Variants in PLEKHA1 observed in about 807,000 individuals in gnomAD.
The protein encoded by PLEKHA1 is pleckstrin homology domain containing A1.
PLEKHA1 carries 34 observed loss-of-function variants against 52.0 expected under a neutral mutation model. That is an observed-to-expected ratio of 0.65 (90% CI 0.50 to 0.87). The LOEUF (loss-of-function observed/expected upper bound fraction) is 0.87, where lower values mean the gene tolerates loss of function less well. PLEKHA1 is among the 40% of genes least tolerant of loss of function. The probability of loss-of-function intolerance (pLI) is 0.00; values close to 1 mark genes in which losing one functional copy is unlikely to be tolerated. For synonymous variants in PLEKHA1, 163 were observed against 170.7 expected (o/e 0.95, Z 0.35); for missense variants, 497 against 504.2 (o/e 0.99, Z 0.14).
rs1367250702 is a variant in PLEKHA1 at position 122,412,960 on chromosome 10, T to C, written c.383T>C (p.Leu128Pro). 6.2e-7 allele frequency: 1 copy of C among 1,613,432 alleles called. No individual in the cohort carries two copies. Among genetic ancestry groups the C allele is most frequent in the Admixed American group, 1.7e-5 (1 of 59,952 alleles). ...GACTCACAGCCTAATTCTGATAACC[T>C]AAGTCGCCATGGTGAATGTGGGAAA... ...QSDSQPNSDN[L>P]SRHGECGKKQ... Residue 128 changes from leucine (L) to proline (P), a missense_variant, in exon 6 of 12, where the codon CTA becomes CCA. By Grantham distance (98) the Leu-to-Pro change is moderately conservative. Transcript: ENST00000368990.
chr10:122,376,596 T>C (rs1156835437), intron 1 of PLEKHA1, among the ~76,000 whole-genome samples: 2 of 151,584 alleles, frequency 1.3e-5, no homozygotes, highest in African/African-American at 2.4e-5. Context: ...CTTTATCTTG[T>C]TAATTAGTAT....
In PLEKHA1 at chr10:122,400,299, AT is replaced by A. The variant is rs751281950; in HGVS notation, c.199-42del. On this transcript the variant is annotated intron_variant, in intron 3 of 11. Coordinates refer to ENST00000368990, the MANE Select transcript of PLEKHA1 (RefSeq NM_001001974.4). ...CATAGTATATAAGGTTGGTTTTAGG[AT>A]TATATGGAGAAGTGAGGAACCCGTC... The A allele has an allele frequency of 5.9e-5, 91 of 1,549,906 alleles. 4 individuals are homozygous for A. In the South Asian group the frequency reaches 9.9e-4, roughly 17 times the overall value.
At chr10:122,424,773 G>A (rs1189212124) in intron 9 of PLEKHA1, 123 bp from the exon 10 acceptor site, 1 of 563,394 alleles carries the variant, frequency 1.8e-6, no homozygotes, top group Non-Finnish European at 2.9e-6. Context: ...AGATAATTTG[G>A]GTTTGCTAAA....
intron 4 of PLEKHA1, among the ~76,000 whole-genome samples, chr10:122,403,267 A>G (rs1360412765): frequency 6.6e-6 from 1 of 152,208 alleles, no homozygotes; most frequent in Non-Finnish European, 1.5e-5. Flanking sequence ...CCAACATCTG[A>G]TAGAGACTGA....
At chr10:122,388,193 C>T (rs539588402) in intron 1 of PLEKHA1, among the ~76,000 whole-genome samples, 1 of 152,298 alleles carries the variant, frequency 6.6e-6, no homozygotes, top group Admixed American at 6.5e-5. Context: ...CTGGCAACCA[C>T]CAATCTATTC....
chr10:122,408,489 G>T (rs998750601), intron 5 of PLEKHA1, among the ~76,000 whole-genome samples: 1 of 152,040 alleles, frequency 6.6e-6, no homozygotes, highest in Non-Finnish European at 1.5e-5. Context: ...AAATTTGTTG[G>T]TAAATGATTT....
intron 1 of PLEKHA1, among the ~76,000 whole-genome samples, chr10:122,382,884 A>G (rs1186255840): frequency 1.3e-5 from 2 of 152,224 alleles, no homozygotes; most frequent in East Asian, 3.9e-4. Context: ...AATGTTTCAC[A>G]TTACAGTACC....
chr10:122,406,538 A>C (rs2097018153), intron 4 of PLEKHA1, 38 bp from the exon 5 acceptor site: 1 of 1,488,454 alleles, frequency 6.7e-7, no homozygotes, highest in African/African-American at 1.4e-5. Context: ...AGAGGTAATA[A>C]GTACAATATT....
At chr10:122,428,531 AATAAAAC>A (rs2097372579) in intron 11 of PLEKHA1, 1 of 992,100 alleles carries the variant, frequency 1.0e-6, no homozygotes, top group Admixed American at 4.3e-5. Context: ...AAAAATAAAA[AATAAAAC>A]ATACAACTTT....
chr10:122,406,707 T>C (rs1483376993), intron 5 of PLEKHA1, 34 bp downstream of exon 5: 2 of 1,423,384 alleles, frequency 1.4e-6, no homozygotes, highest in Admixed American at 1.7e-5. Context: ...AAACGTTCGA[T>C]GTCTGGAATT....
chr10:122,428,770 A>G (rs1590974892), intron 11 of PLEKHA1, among the ~76,000 whole-genome samples: 1 of 152,326 alleles, frequency 6.6e-6, no homozygotes, highest in East Asian at 1.9e-4. Context: ...TAGCCATCTA[A>G]TAGGACTCTG....
intron 1 of PLEKHA1, among the ~76,000 whole-genome samples, chr10:122,383,786 T>G (rs557929838): frequency 3.3e-5 from 5 of 152,306 alleles, no homozygotes; most frequent in African/African-American, 1.2e-4. Context: ...TCAGTGTTTT[T>G]TTGTTTGTTT....
At position 122,400,445 on chromosome 10, in the gene PLEKHA1, A is replaced by G. The variant is rs988116807; in HGVS notation, c.244+57A>G. 12 of 1,477,786 alleles carry G rather than the reference A, an allele frequency of 8.1e-6. No homozygotes were observed. In the South Asian group the frequency reaches 1.0e-4, roughly 13 times the overall value. 91.5% of individuals were successfully genotyped at this position (1,477,786 alleles called of 1,614,324 possible). ...GACTGATATAATTGTATCATATTGTAAAAGAAAACTGTTGCAGAAAACCAC... is the reference window on the plus strand; with the variant it reads ...GACTGATATAATTGTATCATATTGTGAAAGAAAACTGTTGCAGAAAACCAC... On this transcript the variant is annotated intron_variant, in intron 4 of 11. Transcript: ENST00000368990.
At chr10:122,434,290 C>G (rs2097430143), downstream of PLEKHA1, 1 of 152,146 alleles carries the variant, frequency 6.6e-6, no homozygotes, top group African/African-American at 2.4e-5. Flanking sequence ...ACTAATTTGA[C>G]TAGTAGAATT....
Position 122,412,926 on chromosome 10 carries a change from A to G in PLEKHA1, c.349A>G (p.Lys117Glu). 6.2e-7 allele frequency: 1 copy of G among 1,613,258 alleles called. No individual in the cohort carries two copies. Among genetic ancestry groups the G allele is most frequent in the Non-Finnish European group, 8.5e-7 (1 of 1,179,486 alleles). Reference protein sequence around the residue: ...LNKAIKITVPKQSDSQPNSDN... With the variant: ...LNKAIKITVPEQSDSQPNSDN... ...ATTTTATTTACTATTTCAGGTACCA[A>G]AGCAGTCAGACTCACAGCCTAATTC... Residue 117 changes from lysine to glutamate, a missense_variant, in exon 6 of 12, where the codon AAG becomes GAG. Transcript: ENST00000368990.
the PLEKHA1 span, chr10:122,437,699 G>C: frequency 6.6e-6 from 1 of 152,232 alleles, no homozygotes; most frequent in Non-Finnish European, 1.5e-5. Context: ...TCAAGAGTAC[G>C]TTGTGTCTTA....
At chr10:122,387,401 A>G (rs758025716) in intron 1 of PLEKHA1, 1 of 152,134 alleles carries the variant, frequency 6.6e-6, no homozygotes, top group Non-Finnish European at 1.5e-5. Context: ...TTTTACCCAT[A>G]TTTTATTTAA....
chr10:122,442,499 C>T, the PLEKHA1 span: 9 of 152,106 alleles, frequency 5.9e-5, no homozygotes, highest in East Asian at 1.9e-4. Context: ...TAAATGTGTA[C>T]GTAAATAGCT....
chr10:122,383,837 A>C (rs2096650487), intron 1 of PLEKHA1, among the ~76,000 whole-genome samples: 1 of 152,208 alleles, frequency 6.6e-6, no homozygotes, highest in African/African-American at 2.4e-5. Context: ...AATAAAATCC[A>C]CATGTCGTGA....
Sources: gnomAD v4.1 joint callset for allele counts (sites outside exome capture counted in the v4.1 genomes callset) on GRCh38, gnomAD v4.1.1 for gene constraint, MANE v1.5 for transcripts, NCBI Gene and HGNC (gene_info 2026-07-23, HGNC 2026-07-21) for gene names.